The following KALRN variants were observed in gnomAD, a reference collection of about 807,000 sequenced individuals.
KALRN encodes the protein kalirin.
KALRN carries 70 observed loss-of-function variants against 353.7 expected under a neutral mutation model. The ratio of observed to expected loss-of-function variants is 0.20; its 90% CI spans 0.16 to 0.24. The LOEUF is 0.24. Among genes scored for constraint, KALRN ranks in the 10% least tolerant of loss-of-function variants. KALRN has a pLI of 1.00. For synonymous variants in KALRN, 1,391 were observed against 1,434.8 expected, an observed-to-expected ratio of 0.97 and a Z score of 0.69; for missense variants, 2,791 against 3,756.7, an observed-to-expected ratio of 0.74 and a Z score of 6.72.
intron 33 of KALRN, among the ~76,000 whole-genome samples, chr3:124,526,956 A>G (rs957244359): frequency 6.6e-6 from 1 of 152,242 alleles, no homozygotes; most frequent in African/African-American, 2.4e-5. Flanking sequence ...TCTAGACAGG[A>G]AAAAGAAAAC....
intron 11 of KALRN, among the ~76,000 whole-genome samples, chr3:124,392,861 T>C (rs2089635383): frequency 6.6e-6 from 1 of 151,894 alleles, no homozygotes; most frequent in South Asian, 2.1e-4. Context: ...TATGTATACA[T>C]GTGCCATGCT....
At chr3:124,290,969 G>A (rs2076369784) in intron 5 of KALRN, among the ~76,000 whole-genome samples, 1 of 152,180 alleles carries the variant, frequency 6.6e-6, no homozygotes, top group Admixed American at 6.5e-5. Context: ...TAAAATATGA[G>A]CACAACACCT....
chr3:124,411,433 C>CTTTTTTTTTTTTTTTTTT lies in KALRN; in HGVS notation c.2347-2026_2347-2009dup, dbSNP rs61485429. On this transcript the variant is annotated intron_variant, in intron 13 of 59. Transcript: ENST00000682506. ...AAGCCTATGTATACTTTAAATTATGCTTTTTTTTTTTTTTTTTTTTTTTTT... is the reference window on the plus strand; with the variant it reads ...AAGCCTATGTATACTTTAAATTATGCTTTTTTTTTTTTTTTTTTTTTTTTTTTTTTTTTTTTTTTTTTT... Among the ~76,000 whole-genome samples the CTTTTTTTTTTTTTTTTTT allele has an allele frequency of 2.1e-4, 11 of 51,496 alleles. 2 individuals are homozygous for CTTTTTTTTTTTTTTTTTT. Among genetic ancestry groups the CTTTTTTTTTTTTTTTTTT allele is most frequent in the South Asian group, 1.2e-3 (1 of 814 alleles). 33.8% of individuals were successfully genotyped at this position (51,496 alleles called of 152,430 possible).
chr3:124,476,141 G>A (rs114857917), intron 26 of KALRN, among the ~76,000 whole-genome samples: 1 of 151,910 alleles, frequency 6.6e-6, no homozygotes, highest in African/African-American at 2.4e-5. Flanking sequence ...TTATCCCAAG[G>A]TGACTTTCTT....
chr3:124,042,024 T>A (rs1203082625), intron 1 of KALRN, among the ~76,000 whole-genome samples: 1 of 151,940 alleles, frequency 6.6e-6, no homozygotes, highest in Non-Finnish European at 1.5e-5. Flanking sequence ...AATTTAAGAG[T>A]GAAAAGTGGC....
intron 34 of KALRN, among the ~76,000 whole-genome samples, chr3:124,612,081 A>T (rs1318499850): frequency 6.6e-6 from 1 of 152,212 alleles, no homozygotes; most frequent in Non-Finnish European, 1.5e-5. Flanking sequence ...CTGGAGGGCA[A>T]TGGCACAATC....
At chr3:124,287,768 AAGATATATATATATATATATATAT>A (rs1279695817) in intron 5 of KALRN, among the ~76,000 whole-genome samples, 56 of 71,458 alleles carry the variant, frequency 7.8e-4, no homozygotes, top group African/African-American at 2.7e-3. Context: ...AGGGCCTAGG[AAGATATATATATATATATATATAT>A]ATATATATAT....
At chr3:124,304,695 C>A (rs998652636) in intron 6 of KALRN, among the ~76,000 whole-genome samples, 2 of 152,136 alleles carry the variant, frequency 1.3e-5, no homozygotes, top group African/African-American at 4.8e-5. Flanking sequence ...GAACAGTGAG[C>A]CTGTGGTATT....
chr3:124,423,781 G>A (rs956655947), intron 15 of KALRN, among the ~76,000 whole-genome samples: 2 of 152,176 alleles, frequency 1.3e-5, no homozygotes, highest in Admixed American at 6.5e-5. Context: ...TAAGGAAGAA[G>A]GATCACTTGA....
rs1579791711 is a variant in KALRN, at chr3:124,234,678, A to G, written c.149-151A>G. 1.8e-5 allele frequency: 11 copies of G among 620,618 alleles called. No homozygotes were observed. In the East Asian group the frequency reaches 2.8e-4, roughly 16 times the overall value. The allele number at this position is 620,618 out of a possible 1,614,324, so 38.4% of individuals were successfully genotyped here. ...GGTCATATGTGCTACCTGCATCTAGACCCCCCCACCTTGTCCTAAGCAGTG... is the reference window on the plus strand; with the variant it reads ...GGTCATATGTGCTACCTGCATCTAGGCCCCCCCACCTTGTCCTAAGCAGTG... On this transcript the variant is annotated intron_variant, in intron 2 of 59. Coordinates refer to ENST00000682506, the MANE Select transcript of KALRN (RefSeq NM_001388419.1).
At chr3:124,405,886 C>A (rs141030736) in intron 13 of KALRN, among the ~76,000 whole-genome samples, 1 of 152,034 alleles carries the variant, frequency 6.6e-6, no homozygotes. Flanking sequence ...CCTCGTGATC[C>A]GCCCGCCTCG....
intron 57 of KALRN, among the ~76,000 whole-genome samples, chr3:124,707,665 T>G (rs1442318623): frequency 1.3e-5 from 2 of 152,126 alleles, no homozygotes; most frequent in Non-Finnish European, 2.9e-5. Flanking sequence ...GAATAATTCA[T>G]GCTTAATTGT....
intron 1 of KALRN, among the ~76,000 whole-genome samples, chr3:124,160,363 G>A (rs1010577381): frequency 1.3e-5 from 2 of 152,026 alleles, no homozygotes; most frequent in African/African-American, 4.8e-5. Flanking sequence ...GAATGTTCAC[G>A]TTTTTATGAA....
intron 29 of KALRN, 93 bp downstream of exon 29, chr3:124,488,408 G>A: frequency 1.2e-6 from 1 of 839,978 alleles, no homozygotes; most frequent in South Asian, 1.4e-5. Context: ...AGTTAGACAA[G>A]GTGCAAGGCT....
chr3:124,147,927 C>T (rs1180551757), intron 1 of KALRN, among the ~76,000 whole-genome samples: 1 of 152,170 alleles, frequency 6.6e-6, no homozygotes, highest in East Asian at 1.9e-4. Context: ...ATGTTTGATT[C>T]AGAGCGTAAA....
rs2075470439 is a variant in KALRN, at chr3:124,282,711, A to G, written c.969+13456A>G. Among the ~76,000 whole-genome samples the G allele has an allele frequency of 2.6e-5, 4 of 152,312 alleles. No homozygotes were observed. In the South Asian group the frequency reaches 8.3e-4, roughly 32 times the overall value. On this transcript the variant is annotated intron_variant, in intron 5 of 59. Coordinates refer to ENST00000682506, the MANE Select transcript of KALRN (RefSeq NM_001388419.1). ...CTTTTAGGGACAATGGATGCTATCT[A>G]AACACAGGCATTTACCTTGGTCCTC...
At chr3:124,551,389 G>T (rs577262348) in intron 33 of KALRN, among the ~76,000 whole-genome samples, 10 of 152,346 alleles carry the variant, frequency 6.6e-5, no homozygotes, top group African/African-American at 2.4e-4. Context: ...GATGCTTTAA[G>T]ATGCTGGGAA....
At chr3:124,053,934 C>A (rs1184873647) in intron 1 of KALRN, among the ~76,000 whole-genome samples, 1 of 152,170 alleles carries the variant, frequency 6.6e-6, no homozygotes, top group Non-Finnish European at 1.5e-5. Flanking sequence ...TTTCCCTTCC[C>A]AGGAACAGTG....
intron 3 of KALRN, among the ~76,000 whole-genome samples, chr3:124,260,709 T>C (rs2072727775): frequency 6.7e-6 from 1 of 150,086 alleles, no homozygotes; most frequent in Non-Finnish European, 1.5e-5. Context: ...GTGGAGGGGG[T>C]GGGGTGTGCA....
Sources: gnomAD v4.1 joint callset for allele counts (sites outside exome capture counted in the v4.1 genomes callset) on GRCh38, gnomAD v4.1.1 for gene constraint, MANE v1.5 for transcripts, NCBI Gene and HGNC (gene_info 2026-07-23, HGNC 2026-07-21) for gene names.